AGRN: variants seen among roughly 807,000 people sequenced by gnomAD.
AGRN encodes the protein agrin proteoglycan.
A neutral mutation model predicts 211.0 loss-of-function variants in AGRN; 106 were observed. The ratio of observed to expected loss-of-function variants is 0.50; its 90% CI spans 0.43 to 0.59. AGRN has a LOEUF of 0.59. Ranked by LOEUF, AGRN falls within the 20% of genes least tolerant of loss-of-function variation. AGRN has a pLI of 0.00. For missense variants in AGRN, 3,040 were observed against 2,982.6 expected (o/e 1.02, Z -0.45); for synonymous variants, 1,525 against 1,332.5 (o/e 1.14, Z -3.15).
chr1:1,050,245 A>G lies in AGRN; in HGVS notation c.4892A>G (p.Asp1631Gly). Residue 1631 changes from aspartate (D) to glycine (G), a missense_variant, in exon 28 of 36, where the codon GAC becomes GGC. This residue lies in a region of AGRN where 1,537 missense variants were observed against 1,505.0 expected (regional missense o/e 1.02). Coordinates refer to ENST00000379370, the MANE Select transcript of AGRN (RefSeq NM_198576.4). Reference protein sequence around the residue: ...GTFCQTASGQDGSGPFLADFN... With the variant: ...GTFCQTASGQGGSGPFLADFN... ...ACTCTCCCTACAGCCTCGGGGCAGG[A>G]CGGCTCTGGGCCCTTCCTGGCTGAC... 6.2e-7 allele frequency: 1 copy of G among 1,612,972 alleles called. No individual in the cohort carries two copies. The highest frequency in any genetic ancestry group is 8.5e-7 in the Non-Finnish European group (1 of 1,179,914).
In AGRN at chr1:1,048,419, A is replaced by C; in HGVS notation, c.4105+54A>C. On this transcript the variant is annotated intron_variant, in intron 23 of 35. Coordinates refer to ENST00000379370, the MANE Select transcript of AGRN (RefSeq NM_198576.4). The surrounding 1 kb of genome is among the most constrained non-coding windows in gnomAD (Gnocchi z 5.9). The stretch of plus-strand genomic sequence containing the variant: ...GGGAGGCAGCAGGGTGGGGGCAAGG[A>C]TTGGGGGTGGGGCTAAGCCACCATC... 2 of 749,220 alleles carry C rather than the reference A, an allele frequency of 2.7e-6. No homozygotes were observed. Among genetic ancestry groups the C allele is most frequent in the Non-Finnish European group, 4.2e-6 (2 of 472,194 alleles). 46.4% of individuals were successfully genotyped at this position (749,220 alleles called of 1,614,324 possible).
chr1:1,049,116 G>C (rs1339875303), intron 24 of AGRN, 57 bp downstream of exon 24: 1 of 934,000 alleles, frequency 1.1e-6, no homozygotes, highest in Non-Finnish European at 1.4e-6. Flanking sequence ...GGGGACGGGC[G>C]GGGGAGGGGG....
chr1:1,043,540 C>A lies in AGRN; in HGVS notation c.1606C>A (p.Arg536Ser), dbSNP rs745663789. Residue 536 changes from arginine to serine, a missense_variant and splice_region_variant, in exon 9 of 36, where the codon CGC becomes AGC. By Grantham distance (110) the Arg-to-Ser change is moderately radical. Around this residue, in one of 3 missense-constraint regions of AGRN, gnomAD observed 1,498 missense variants for 1,457.8 expected, o/e 1.03. Coordinates refer to ENST00000379370, the MANE Select transcript of AGRN (RefSeq NM_198576.4). Reference protein sequence around the residue: ...IQVARKGPCDRCGQCRFGALC... With the variant: ...IQVARKGPCDSCGQCRFGALC... ...TGGTGATGGAAGCTCCTCCCCAGAC[C>A]GCTGCGGGCAGTGCCGCTTTGGAGC... The A allele has an allele frequency of 6.2e-7, 1 of 1,603,852 alleles. No individual in the cohort carries two copies.
chr1:1,042,284 C>A, intron 7 of AGRN, 122 bp downstream of exon 7: 1 of 1,260,310 alleles, frequency 7.9e-7, no homozygotes, highest in Non-Finnish European at 1.1e-6. Flanking sequence ...GGGCCGGTCC[C>A]TCTGGGAAGG....
In AGRN at chr1:1,046,013, G is replaced by A. The variant is rs771296768; in HGVS notation, c.2730G>A (p.Ala910=). The A allele has an allele frequency of 3.0e-5, 49 of 1,613,876 alleles. No individual in the cohort carries two copies. Among genetic ancestry groups the A allele is most frequent in the South Asian group, 8.8e-5 (8 of 91,092 alleles). The change falls in exon 16 of 36, where the codon GCG becomes GCA. Residue 910 remains alanine (A), a synonymous_variant. Transcript: ENST00000379370. The stretch of plus-strand genomic sequence containing the variant: ...CGGAGATGCGCTGTGAGTTCGGTGC[G>A]CGGTGCGTGGAGGAGTCTGGCTCAG... ...TCAEMRCEFG[A]RCVEESGSAH...
intron 27 of AGRN, 53 bp from the exon 28 acceptor site, chr1:1,050,180 G>C: frequency 6.2e-7 from 1 of 1,604,282 alleles, no homozygotes; most frequent in South Asian, 1.1e-5. Context: ...GCTGGCATGG[G>C]GTGCAGGAGG....
Position 1,047,873 on chromosome 1 carries a change from G to T in AGRN, c.3729G>T (p.Glu1243Asp). 1 of 1,605,948 alleles carries T rather than the reference G, an allele frequency of 6.2e-7. No individual in the cohort carries two copies. The highest frequency in any genetic ancestry group is 1.3e-5 in the African/African-American group (1 of 74,916). ...TGGGGGTGAGGCGGCCGCTGCAGGA[G>T]CACGTGCGATTTATGGACTTTGGTG... ...RSLGVRRPLQ[E>D]HVRFMDFDWF... Residue 1243 changes from glutamate to aspartate, a missense_variant, in exon 22 of 36, where the codon GAG (glutamate) becomes GAT (aspartate). This residue lies in a region of AGRN where 1,537 missense variants were observed against 1,505.0 expected (regional missense o/e 1.02). Transcript: ENST00000379370.
rs1427781010 is a variant in AGRN, at chr1:1,048,280, C to T, written c.4020C>T (p.His1340=). The T allele has an allele frequency of 9.8e-6, 15 of 1,525,218 alleles. No individual in the cohort carries two copies. The Admixed American group carries it at 9.9e-5, about 10-fold the overall frequency. The allele number at this position is 1,525,218 out of a possible 1,614,324, so 94.5% of individuals were successfully genotyped here. Residue 1340 remains histidine (H), a synonymous_variant, in exon 23 of 36, where the codon CAC becomes CAT. Transcript: ENST00000379370. The surrounding 1 kb of genome is among the most constrained non-coding windows in gnomAD (Gnocchi z 5.9). ...CCTGTGACTCACAGCCCTGCTTCCACGGGGGGACCTGCCAGGACTGGGCAT... is the reference window on the plus strand; with the variant it reads ...CCTGTGACTCACAGCCCTGCTTCCATGGGGGGACCTGCCAGGACTGGGCAT... ...PKPCDSQPCF[H]GGTCQDWALG... is the part of the protein sequence containing the mutation.
At chr1:1,020,849 G>GGA (rs1553170876) in intron 1 of AGRN, among the ~76,000 whole-genome samples, 1 of 150,740 alleles carries the variant, frequency 6.6e-6, no homozygotes, top group Non-Finnish European at 1.5e-5. Flanking sequence ...CAGTGGTGCG[G>GGA]GGGGGGGGCG....
chr1:1,035,888 G>A (rs1283977160), intron 3 of AGRN, among the ~76,000 whole-genome samples: 1 of 152,130 alleles, frequency 6.6e-6, no homozygotes, highest in Non-Finnish European at 1.5e-5. Context: ...GACCTGCTTT[G>A]TGAGGTGGGG....
At position 1,046,524 on chromosome 1, in the gene AGRN, C is replaced by T. The variant is rs549843700; in HGVS notation, c.3039C>T (p.His1013=). Residue 1013 remains histidine, a synonymous_variant, in exon 18 of 36, where the codon CAC becomes CAT. Coordinates refer to ENST00000379370, the MANE Select transcript of AGRN (RefSeq NM_198576.4). ...ALPLAPSSTA[H]SQTTPPPSSR... ...CCCTGGCTCCCAGCAGTACCGCACA[C>T]AGCCAGACCACCCCTCCGCCCTCAT... 199 of 1,610,640 alleles carry T rather than the reference C, an allele frequency of 1.2e-4. 4 individuals are homozygous for T. In the South Asian group the frequency reaches 2.0e-3, roughly 16 times the overall value.
rs749534444 is a variant in AGRN, at chr1:1,051,688, G to A, written c.5564-40G>A. On this transcript the variant is annotated intron_variant, in intron 32 of 35. Coordinates refer to ENST00000379370, the MANE Select transcript of AGRN (RefSeq NM_198576.4). ...CAGGGGGCGGAGGCCGGATGGGCCCGGAGCCCACGAGGCCCCACCCTCACC... is the reference window on the plus strand; with the variant it reads ...CAGGGGGCGGAGGCCGGATGGGCCCAGAGCCCACGAGGCCCCACCCTCACC... 73 of 1,612,902 alleles carry A rather than the reference G, an allele frequency of 4.5e-5. No homozygotes were observed. In the Middle Eastern group the frequency reaches 4.9e-4, roughly 11 times the overall value.
At chr1:1,040,131 G>C (rs1393071963) in intron 3 of AGRN, among the ~76,000 whole-genome samples, 1 of 152,228 alleles carries the variant, frequency 6.6e-6, no homozygotes, top group Non-Finnish European at 1.5e-5. Context: ...GGACCTGGGT[G>C]CGACCCGGGC....
At chr1:1,035,367 C>T (rs765050039) in intron 3 of AGRN, 43 bp downstream of exon 3, 2 of 1,609,108 alleles carry the variant, frequency 1.2e-6, no homozygotes, top group Non-Finnish European at 1.7e-6. Flanking sequence ...GGCTGTGGCA[C>T]TCTTGGGAGT....
At position 1,050,461 on chromosome 1, in the gene AGRN, C is replaced by A. The variant is rs745827541; in HGVS notation, c.5011C>A (p.Arg1671=). ...KMALEVVFLA[R]GPSGLLLYNG... ...GGCGCTGGAGGTCGTGTTCCTGGCACGAGGCCCCAGCGGCCTCCTGCTCTA... is the reference window on the plus strand; with the variant it reads ...GGCGCTGGAGGTCGTGTTCCTGGCAAGAGGCCCCAGCGGCCTCCTGCTCTA... The change falls in exon 29 of 36, where the codon CGA becomes AGA. Residue 1671 remains arginine, a synonymous_variant. Coordinates refer to ENST00000379370, the MANE Select transcript of AGRN (RefSeq NM_198576.4). The A allele has an allele frequency of 1.2e-6, 2 of 1,612,926 alleles. No homozygotes were observed. The highest frequency in any genetic ancestry group is 1.7e-6 in the Non-Finnish European group (2 of 1,179,888).
chr1:1,036,092 C>T (rs145696739), intron 3 of AGRN, among the ~76,000 whole-genome samples: 106 of 152,204 alleles, frequency 7.0e-4, no homozygotes, highest in Non-Finnish European at 1.3e-3. Context: ...GTCTCACTTG[C>T]GTTCAGTTGT....
rs760329841 is a variant in AGRN at position 1,050,267 on chromosome 1, T to C, written c.4914T>C (p.Ala1638=). ...SGQDGSGPFL[A]DFNGFSHLEL... is the part of the protein sequence containing the mutation. ...AGGACGGCTCTGGGCCCTTCCTGGCTGACTTCAACGGCTTCTCCCACCTGG... is the reference window on the plus strand; with the variant it reads ...AGGACGGCTCTGGGCCCTTCCTGGCCGACTTCAACGGCTTCTCCCACCTGG... The change falls in exon 28 of 36, where the codon GCT becomes GCC. Residue 1638 remains alanine (A), a synonymous_variant. Coordinates refer to ENST00000379370, the MANE Select transcript of AGRN (RefSeq NM_198576.4). 1.1e-5 allele frequency: 17 copies of C among 1,613,098 alleles called. No homozygotes were observed. In the South Asian group the frequency reaches 1.8e-4, roughly 17 times the overall value.
chr1:1,054,535 T>C lies in AGRN; in HGVS notation c.5964T>C (p.Asp1988=), dbSNP rs1371626915. 1.3e-6 allele frequency: 2 copies of C among 1,598,320 alleles called. No homozygotes were observed. The highest frequency in any genetic ancestry group is 3.4e-5 in the Admixed American group (2 of 58,012). ...TGGGCGCCACGCAGCTGGACACTGA[T>C]GGAGCCCTGTGGCTTGGTGAGTGTT... ...SPLGATQLDT[D]GALWLGGLPE... Residue 1988 remains aspartate, a synonymous_variant, in exon 35 of 36, where the codon GAT becomes GAC. Coordinates refer to ENST00000379370, the MANE Select transcript of AGRN (RefSeq NM_198576.4).
At chr1:1,035,160 G>C in intron 2 of AGRN, 117 bp from the exon 3 acceptor site, 4 of 1,165,476 alleles carry the variant, frequency 3.4e-6, no homozygotes, top group South Asian at 1.3e-5. Flanking sequence ...GGATCCCTGG[G>C]GCTAGCGGTG....
Sources: gnomAD v4.1 joint callset for allele counts (sites outside exome capture counted in the v4.1 genomes callset) on GRCh38, gnomAD v4.1.1 for gene constraint, gnomAD v4.1.1 regional missense constraint, Gnocchi (gnomAD v3.1) non-coding constraint, MANE v1.5 for transcripts, NCBI Gene and HGNC (gene_info 2026-07-23, HGNC 2026-07-21) for gene names.